Variants in MED13L observed in about 807,000 individuals in gnomAD.
MED13L encodes mediator of RNA polymerase II transcription subunit 13-like.
A neutral mutation model predicts 220.9 loss-of-function variants in MED13L; 7 were observed. The observed-to-expected ratio is 0.03, with a 90% CI of 0.02 to 0.06. The LOEUF (loss-of-function observed/expected upper bound fraction) is 0.06. Among genes scored for constraint, MED13L ranks in the 10% least tolerant of loss-of-function variants. The pLI, the probability that MED13L is intolerant of heterozygous loss-of-function variation, is 1.00. For missense variants in MED13L, 1,965 were observed against 2,760.5 expected, an observed-to-expected ratio of 0.71 and a Z score of 6.46; for synonymous variants, 1,011 against 1,015.2, an observed-to-expected ratio of 1.00 and a Z score of 0.08.
In MED13L at chr12:116,018,933, A is replaced by G. The variant is rs369379656; in HGVS notation, c.1009+291T>C. On this transcript the variant is annotated intron_variant, in intron 7 of 30. Coordinates refer to ENST00000281928, the MANE Select transcript of MED13L (RefSeq NM_015335.5). The stretch of plus-strand genomic sequence containing the variant: ...AAAACAAAAAAAAACCCTACATTTT[A>G]TCTATATGTGAACACATACACACAT... Among the ~76,000 whole-genome samples the G allele has an allele frequency of 5.3e-5, 8 of 151,228 alleles. 1 individual carries two copies. In the South Asian group the frequency reaches 1.7e-3, roughly 32 times the overall value.
chr12:116,031,643 G>C (rs1475747415), intron 4 of MED13L, among the ~76,000 whole-genome samples: 3 of 102,310 alleles, frequency 2.9e-5, no homozygotes, highest in East Asian at 7.0e-4. Context: ...GGAGGGGAGG[G>C]GGGACGGGAC....
At chr12:115,971,497 C>T (rs1242065422) in intron 26 of MED13L, among the ~76,000 whole-genome samples, 2 of 152,146 alleles carry the variant, frequency 1.3e-5, no homozygotes, top group Admixed American at 1.3e-4. Context: ...TATAAAATCG[C>T]TCAGTTACTG....
chr12:115,965,199 A>G (rs1237608334), intron 29 of MED13L, among the ~76,000 whole-genome samples: 1 of 152,204 alleles, frequency 6.6e-6, no homozygotes, highest in African/African-American at 2.4e-5. Flanking sequence ...ACTCCATGGT[A>G]ATCTCTACTC....
intron 5 of MED13L, among the ~76,000 whole-genome samples, chr12:116,021,694 C>A (rs1005150024): frequency 1.3e-5 from 2 of 152,068 alleles, no homozygotes; most frequent in African/African-American, 4.8e-5. Flanking sequence ...AAGACTATTT[C>A]AACCAGTCAT....
chr12:116,147,529 G>A (rs1039822134), intron 2 of MED13L, among the ~76,000 whole-genome samples: 1 of 152,058 alleles, frequency 6.6e-6, no homozygotes, highest in African/African-American at 2.4e-5. Context: ...GGTGAAATAT[G>A]TTCATACATA....
chr12:116,031,748 AAGAAAAGAAAAGAAGGAAGGAAG>A (rs1566020828), intron 4 of MED13L, among the ~76,000 whole-genome samples: 2 of 39,616 alleles, frequency 5.0e-5, no homozygotes, highest in Non-Finnish European at 7.7e-5. Flanking sequence ...AAGAAAAGAA[AAGAAAAGAAAAGAAGGAAGGAAG>A]GAAGGAAGGA....
intron 2 of MED13L, among the ~76,000 whole-genome samples, chr12:116,207,791 A>G (rs987909662): frequency 2.0e-5 from 3 of 152,166 alleles, no homozygotes; most frequent in Non-Finnish European, 4.4e-5. Context: ...AAAGAAAAAA[A>G]AAAAGACATG....
chr12:116,251,461 T>A (rs981737653), intron 1 of MED13L, among the ~76,000 whole-genome samples: 1 of 143,088 alleles, frequency 7.0e-6, no homozygotes, highest in Non-Finnish European at 1.5e-5. Flanking sequence ...TTTTTTTTTT[T>A]AAAGTAAGGC....
At chr12:116,264,265 C>T (rs1308280071) in intron 1 of MED13L, among the ~76,000 whole-genome samples, 1 of 152,148 alleles carries the variant, frequency 6.6e-6, no homozygotes, top group Non-Finnish European at 1.5e-5. Context: ...TAAACAATGG[C>T]AACATCATTT....
At chr12:116,269,425 C>A (rs971343719) in intron 1 of MED13L, among the ~76,000 whole-genome samples, 12 of 147,164 alleles carry the variant, frequency 8.2e-5, no homozygotes, top group Non-Finnish European at 1.2e-4. Flanking sequence ...CCCCGCCCCC[C>A]CAATCTACTT....
chr12:116,102,695 T>C (rs1273802496), intron 3 of MED13L, among the ~76,000 whole-genome samples: 7 of 102,834 alleles, frequency 6.8e-5, no homozygotes, highest in Non-Finnish European at 1.6e-4. Flanking sequence ...TATTTTCTTT[T>C]TCTTTTTCTT....
chr12:116,068,143 A>G (rs752740378), intron 4 of MED13L, among the ~76,000 whole-genome samples: 1 of 152,164 alleles, frequency 6.6e-6, no homozygotes, highest in Non-Finnish European at 1.5e-5. Context: ...TTTATCTAAC[A>G]TAAGCTTCAG....
rs374506267 is a variant in MED13L, at chr12:115,991,166, C to T, written c.3788G>A (p.Arg1263Gln). Residue 1263 changes from arginine to glutamine, a missense_variant, in exon 17 of 31, where the codon CGG (arginine) becomes CAG (glutamine). Coordinates refer to ENST00000281928, the MANE Select transcript of MED13L (RefSeq NM_015335.5). This position sits in a 1 kb window ranked among gnomAD's most constrained non-coding sequence, Gnocchi z 7.7. The stretch of plus-strand genomic sequence containing the variant: ...GTAATCATTATTATCTGCTTGCACC[C>T]GGTCATAACTCCAGCTTACACAGGG... ...TLPCVSWSYDRVQADNNDYWT... is the reference protein window; with the variant it reads ...TLPCVSWSYDQVQADNNDYWT... 6.3e-5 allele frequency: 101 copies of T among 1,614,014 alleles called. No individual in the cohort carries two copies. The highest frequency in any genetic ancestry group is 8.1e-5 in the Non-Finnish European group (96 of 1,180,034).
intron 4 of MED13L, among the ~76,000 whole-genome samples, chr12:116,057,811 C>T (rs1287368380): frequency 6.6e-6 from 1 of 151,832 alleles, no homozygotes; most frequent in Non-Finnish European, 1.5e-5. Flanking sequence ...TTCAAAATGC[C>T]TAAATTTGGT....
rs1322820571 is a variant in MED13L at position 116,277,612 on chromosome 12, C to T, written c.-481G>A. ...GGCAGCCGAGCGACGTCCCCTCCTT[C>T]CTCTTCCTCCCCCACCCCCCCCTCC... is the stretch of plus-strand genomic sequence containing the variant. On this transcript the variant is annotated 5_prime_UTR_variant, in exon 1 of 31. Transcript: ENST00000281928. Among the ~76,000 whole-genome samples the T allele has an allele frequency of 6.0e-5, 9 of 149,700 alleles. No homozygotes were observed. The East Asian group carries it at 1.2e-3, about 20-fold the overall frequency.
intron 2 of MED13L, among the ~76,000 whole-genome samples, chr12:116,167,862 A>G (rs909263503): frequency 2.0e-5 from 3 of 152,210 alleles, no homozygotes; most frequent in Non-Finnish European, 4.4e-5. Context: ...TTGATGGACT[A>G]TATTTAATAC....
chr12:116,114,635 C>G (rs1230695183), intron 2 of MED13L, among the ~76,000 whole-genome samples: 4 of 152,054 alleles, frequency 2.6e-5, no homozygotes, highest in African/African-American at 7.2e-5. Flanking sequence ...GAATTTCATC[C>G]AATACAATAG....
chr12:115,960,501 G>T lies in MED13L; in HGVS notation c.*765C>A, dbSNP rs1352208052. The stretch of plus-strand genomic sequence containing the variant: ...TTTTGAATATATTACTTTTAGGCAT[G>T]ATCTCCCCAATGTGTTTTTACTCCT... On this transcript the variant is annotated 3_prime_UTR_variant, in exon 31 of 31. Transcript: ENST00000281928. 1 of 152,440 alleles carries T rather than the reference G, an allele frequency of 6.6e-6. No individual in the cohort carries two copies. The highest frequency in any genetic ancestry group is 2.4e-5 in the African/African-American group (1 of 41,428). The allele number at this position is 152,440 out of a possible 1,614,324, so 9.4% of individuals were successfully genotyped here. A position where few individuals can be genotyped will look rare whatever the true frequency, so the allele number is the denominator to read the frequency against.
intron 4 of MED13L, among the ~76,000 whole-genome samples, chr12:116,030,134 A>G (rs1484119705): frequency 6.6e-6 from 1 of 152,024 alleles, no homozygotes; most frequent in African/African-American, 2.4e-5. Context: ...CGCCCAGCTA[A>G]TTTTTGTATT....
Sources: gnomAD v4.1 joint callset for allele counts (sites outside exome capture counted in the v4.1 genomes callset) on GRCh38, gnomAD v4.1.1 for gene constraint, Gnocchi (gnomAD v3.1) non-coding constraint, MANE v1.5 for transcripts, NCBI Gene and HGNC (gene_info 2026-07-23, HGNC 2026-07-21) for gene names.